Variants in CAMK2A observed in about 807,000 individuals in gnomAD.
CAMK2A encodes the protein calcium/calmodulin dependent protein kinase II alpha.
In CAMK2A, 7 loss-of-function variants were observed where a neutral mutation model predicts 79.2. The ratio of observed to expected loss-of-function variants is 0.09; its 90% CI spans 0.05 to 0.17. CAMK2A has a LOEUF of 0.17. Ranked by LOEUF, CAMK2A falls within the 10% of genes least tolerant of loss-of-function variation. The pLI is 1.00. For synonymous variants in CAMK2A, 242 were observed against 251.7 expected (o/e 0.96, Z 0.36); for missense variants, 214 against 646.4 (o/e 0.33, Z 7.25).
chr5:150,220,034 C>A lies in CAMK2A; in HGVS notation c.*2676G>T, dbSNP rs987897287. ...TGTGGTGGCACCAGGTGGCTGCCCA[C>A]CCACAGGCGTGGCCTTCACAGTGGG... On this transcript the variant is annotated 3_prime_UTR_variant, in exon 19 of 19. Coordinates refer to ENST00000671881, the MANE Select transcript of CAMK2A (RefSeq NM_015981.4). The A allele has an allele frequency of 6.5e-6, 1 of 152,714 alleles. No individual in the cohort carries two copies. Among genetic ancestry groups the A allele is most frequent in the Non-Finnish European group, 1.5e-5 (1 of 68,044 alleles). The allele number at this position is 152,714 out of a possible 1,614,324, so 9.5% of individuals were successfully genotyped here. A position where few individuals can be genotyped will look rare whatever the true frequency, so the allele number is the denominator to read the frequency against.
chr5:150,256,537 T>TCCCGGGGTGAGCCACA lies in CAMK2A; in HGVS notation c.411+20_411+35dup. On this transcript the variant is annotated intron_variant, in intron 6 of 18. Coordinates refer to ENST00000671881, the MANE Select transcript of CAMK2A (RefSeq NM_015981.4). The surrounding 1 kb of genome is among the most constrained non-coding windows in gnomAD (Gnocchi z 4.6). ...AGGGACGTGCAGAGGAGAGAGGGGC[T>TCCCGGGGTGAGCCACA]CCCGGGGTGAGCCACACCCACGGTG... is the stretch of plus-strand genomic sequence containing the variant. 6.6e-7 allele frequency: 1 copy of TCCCGGGGTGAGCCACA among 1,509,268 alleles called. No individual in the cohort carries two copies. The highest frequency in any genetic ancestry group is 9.2e-7 in the Non-Finnish European group (1 of 1,086,760). The allele number at this position is 1,509,268 out of a possible 1,614,324, so 93.5% of individuals were successfully genotyped here.
chr5:150,238,828 C>T (rs1401358466), intron 14 of CAMK2A, 80 bp from the exon 15 acceptor site: 10 of 1,265,478 alleles, frequency 7.9e-6, no homozygotes, highest in South Asian at 1.6e-5. Flanking sequence ...TGCCTGGTGA[C>T]GCGGCTGGTT....
chr5:150,255,139 A>G (rs1756000398), intron 6 of CAMK2A, among the ~76,000 whole-genome samples: 1 of 152,150 alleles, frequency 6.6e-6, no homozygotes, highest in Non-Finnish European at 1.5e-5. Flanking sequence ...TAATTATTAT[A>G]TCCAGAGTGG....
rs1370864713 is a variant in CAMK2A at position 150,257,625 on chromosome 5, C to T, written c.218-8G>A. On this transcript the variant is annotated splice_polypyrimidine_tract_variant and splice_region_variant and intron_variant, in intron 3 of 18. Transcript: ENST00000671881. ...TGCTGTCATGTAGTCGGACTGTGGGCGGGGCAAGGCAGTTGGTTACAGTGG... is the reference window on the plus strand; with the variant it reads ...TGCTGTCATGTAGTCGGACTGTGGGTGGGGCAAGGCAGTTGGTTACAGTGG... The T allele has an allele frequency of 6.4e-6, 10 of 1,563,102 alleles. No individual in the cohort carries two copies. The highest frequency in any genetic ancestry group is 3.5e-5 in the South Asian group (3 of 84,582).
chr5:150,235,691 T>C (rs1755026475), intron 15 of CAMK2A, among the ~76,000 whole-genome samples: 1 of 152,184 alleles, frequency 6.6e-6, no homozygotes, highest in African/African-American at 2.4e-5. Context: ...CAGAGGGGCT[T>C]TGAAATATTA....
In CAMK2A at chr5:150,222,161, GGAA is replaced by G. The variant is rs986601174; in HGVS notation, c.*546_*548del. On this transcript the variant is annotated 3_prime_UTR_variant, in exon 19 of 19. Transcript: ENST00000671881. The stretch of plus-strand genomic sequence containing the variant: ...AGACCACCCTGAGGTCAGCACAGGA[GGAA>G]GAAGACTTAGGGGAGCACTTTGAGG... 5 of 327,392 alleles carry G rather than the reference GGAA, an allele frequency of 1.5e-5. No individual in the cohort carries two copies. The highest frequency in any genetic ancestry group is 1.0e-4 in the African/African-American group (5 of 47,982). The allele number at this position is 327,392 out of a possible 1,614,324, so 20.3% of individuals were successfully genotyped here.
chr5:150,243,829 G>A (rs189316547), intron 13 of CAMK2A, among the ~76,000 whole-genome samples: 35 of 152,282 alleles, frequency 2.3e-4, no homozygotes, highest in Middle Eastern at 3.4e-3. Flanking sequence ...TAAATACCCA[G>A]CCGAGGTCCA....
At chr5:150,227,332 G>A (rs1754648716) in intron 17 of CAMK2A, among the ~76,000 whole-genome samples, 1 of 152,200 alleles carries the variant, frequency 6.6e-6, no homozygotes. Context: ...AGTATTGAGA[G>A]AGAATTAAGA....
intron 13 of CAMK2A, among the ~76,000 whole-genome samples, chr5:150,244,933 A>C (rs1580915020): frequency 2.1e-5 from 3 of 144,424 alleles, no homozygotes; most frequent in South Asian, 2.2e-4. Flanking sequence ...TGTCACTTCC[A>C]CCCTCCTCCA....
At chr5:150,268,829 G>A (rs536701093) in intron 2 of CAMK2A, among the ~76,000 whole-genome samples, 21 of 152,254 alleles carry the variant, frequency 1.4e-4, no homozygotes, top group East Asian at 9.6e-4. Flanking sequence ...GCAGGATCAC[G>A]GCTCACTGCA....
intron 2 of CAMK2A, among the ~76,000 whole-genome samples, chr5:150,270,722 C>T (rs911191115): frequency 6.6e-6 from 1 of 152,052 alleles, no homozygotes; most frequent in African/African-American, 2.4e-5. Flanking sequence ...TCCCTGATAA[C>T]CTCCCCACCC....
chr5:150,243,526 C>T (rs1755437389), intron 13 of CAMK2A, among the ~76,000 whole-genome samples: 1 of 152,166 alleles, frequency 6.6e-6, no homozygotes, highest in African/African-American at 2.4e-5. Flanking sequence ...GATTCCATTA[C>T]AGGATTTGGA....
At chr5:150,250,975 C>A (rs1755806291) in intron 9 of CAMK2A, among the ~76,000 whole-genome samples, 165 bp from the exon 10 acceptor site, 1 of 152,212 alleles carries the variant, frequency 6.6e-6, no homozygotes, top group African/African-American at 2.4e-5. Context: ...AGGGCCCTAG[C>A]CCCATACAAA....
chr5:150,222,371 A>C lies in CAMK2A; in HGVS notation c.*339T>G. Reference sequence around the variant, plus strand: ...TTCTCCCCAGCCCCTGGTGGGCACCAGCCCGGGCATTCTAGCCTACAGCCC... The same window carrying C: ...TTCTCCCCAGCCCCTGGTGGGCACCCGCCCGGGCATTCTAGCCTACAGCCC... On this transcript the variant is annotated 3_prime_UTR_variant, in exon 19 of 19. Coordinates refer to ENST00000671881, the MANE Select transcript of CAMK2A (RefSeq NM_015981.4). 5.0e-5 allele frequency: 31 copies of C among 617,750 alleles called. No homozygotes were observed. Among genetic ancestry groups the C allele is most frequent in the South Asian group, 3.6e-5 (2 of 55,274 alleles). 38.3% of individuals were successfully genotyped at this position (617,750 alleles called of 1,614,324 possible).
rs1756044502 is a variant in CAMK2A at position 150,256,067 on chromosome 5, T to G, written c.411+506A>C. ...CTGCACGGGCCTAGAGTCTGGTTTT[T>G]CTTCTCCCCTGGCCTGCCAGAGATG... On this transcript the variant is annotated intron_variant, in intron 6 of 18. Coordinates refer to ENST00000671881, the MANE Select transcript of CAMK2A (RefSeq NM_015981.4). The surrounding 1 kb of genome is among the most constrained non-coding windows in gnomAD (Gnocchi z 4.6). Among the ~76,000 whole-genome samples, 1 of 152,192 alleles carries G rather than the reference T, an allele frequency of 6.6e-6. No individual in the cohort carries two copies. The highest frequency in any genetic ancestry group is 1.5e-5 in the Non-Finnish European group (1 of 68,030).
chr5:150,272,776 A>G (rs72805907), intron 2 of CAMK2A, among the ~76,000 whole-genome samples: 25,264 of 151,782 alleles, frequency 0.17, 2,309 homozygotes, highest in East Asian at 0.21. Context: ...AGTGATGGCA[A>G]GTGGCAAGAG....
Position 150,256,449 on chromosome 5 carries a change from C to A in CAMK2A, c.411+124G>T. On this transcript the variant is annotated intron_variant, in intron 6 of 18. Coordinates refer to ENST00000671881, the MANE Select transcript of CAMK2A (RefSeq NM_015981.4). The surrounding 1 kb of genome is among the most constrained non-coding windows in gnomAD (Gnocchi z 4.6). ...AGTGGGGAAAATAATCTCACCCACC[C>A]CACCTTCCAGCCTAACACAGAGAAA... 1.5e-6 allele frequency: 1 copy of A among 670,050 alleles called. No homozygotes were observed. The allele number at this position is 670,050 out of a possible 1,614,324, so 41.5% of individuals were successfully genotyped here. A position where few individuals can be genotyped will look rare whatever the true frequency, so the allele number is the denominator to read the frequency against.
intron 15 of CAMK2A, 142 bp downstream of exon 15, chr5:150,238,558 C>T (rs745867999): frequency 1.2e-6 from 1 of 824,794 alleles, no homozygotes; most frequent in South Asian, 1.4e-5. Context: ...CCAGTGTGCC[C>T]AGTTTATAAG....
At chr5:150,232,783 C>T (rs1754903505) in intron 15 of CAMK2A, among the ~76,000 whole-genome samples, 1 of 152,230 alleles carries the variant, frequency 6.6e-6, no homozygotes. Context: ...CACACCACCC[C>T]ACACAGGAGC....
Sources: allele counts gnomAD v4.1 joint callset (sites outside exome capture counted in the v4.1 genomes callset), GRCh38; gene constraint gnomAD v4.1.1; non-coding constraint Gnocchi (gnomAD v3.1); transcripts MANE v1.5; gene names NCBI Gene and HGNC (gene_info 2026-07-23, HGNC 2026-07-21).